PCDH15: variants seen among roughly 807,000 people sequenced by gnomAD.
The protein encoded by PCDH15 is protocadherin related 15, also known as protocadherin-15.
Under a neutral mutation model 178.5 loss-of-function variants are expected in PCDH15, and 129 were observed. The ratio of observed to expected loss-of-function variants is 0.72; its 90% CI spans 0.63 to 0.84. The LOEUF is 0.84. PCDH15 is among the 40% of genes least tolerant of loss of function. The probability of loss-of-function intolerance (pLI) is 0.00; values close to 1 mark genes in which losing one functional copy is unlikely to be tolerated. For synonymous variants in PCDH15, 800 were observed against 732.0 expected (o/e 1.09, Z -1.50); for missense variants, 2,230 against 2,099.9 (o/e 1.06, Z -1.21).
In PCDH15 at chr10:53,820,219, CA is replaced by C. The variant is rs1442685194; in HGVS notation, c.4378del (p.Cys1460ValfsTer8). ...ELGDSSIWSF[C>X]WQLVICMRTC... The stretch of plus-strand genomic sequence containing the variant: ...TCTCATGCATATGACCAGCTGCCAA[CA>C]AAAACTCCAACTGAAGTTTTTCAGT... On this transcript the variant is annotated frameshift_variant, in exon 33 of 38. Transcript: ENST00000644397. LOFTEE classifies it high-confidence loss of function. The C allele has an allele frequency of 5.0e-6, 2 of 397,784 alleles. No individual in the cohort carries two copies. Among genetic ancestry groups the C allele is most frequent in the Non-Finnish European group, 8.9e-6 (2 of 225,470 alleles). The allele number at this position is 397,784 out of a possible 1,614,324, so 24.6% of individuals were successfully genotyped here.
At chr10:54,419,458 A>C (rs551282719) in intron 3 of PCDH15, among the ~76,000 whole-genome samples, 1 of 152,194 alleles carries the variant, frequency 6.6e-6, no homozygotes, top group African/African-American at 2.4e-5. Context: ...AAATGGGATT[A>C]ATTTATTTCA....
chr10:54,427,269 GTTTTTTTTTTTTTT>G (rs71007854), intron 3 of PCDH15, among the ~76,000 whole-genome samples: 2 of 56,760 alleles, frequency 3.5e-5, no homozygotes, highest in Non-Finnish European at 6.7e-5. Flanking sequence ...TCTTTTTCTG[GTTTTTTTTTTTTTT>G]TTTTTTTTTT....
intron 2 of PCDH15, among the ~76,000 whole-genome samples, chr10:54,992,620 T>C (rs1454878326): frequency 6.6e-6 from 1 of 151,950 alleles, no homozygotes; most frequent in Non-Finnish European, 1.5e-5. Context: ...CCGGGCGTGG[T>C]GGCAGGCGCT....
intron 3 of PCDH15, among the ~76,000 whole-genome samples, chr10:54,811,950 CCTGT>C (rs909756035): frequency 3.3e-4 from 50 of 152,152 alleles, no homozygotes; most frequent in African/African-American, 1.2e-3. Flanking sequence ...CATCTTAAAT[CCTGT>C]CTCTCATTTA....
At chr10:54,341,456 C>A (rs537819563) in intron 6 of PCDH15, among the ~76,000 whole-genome samples, 1 of 152,158 alleles carries the variant, frequency 6.6e-6, no homozygotes, top group East Asian at 1.9e-4. Context: ...GTGTCCCTAG[C>A]CATTCAGAAC....
chr10:54,189,450 A>G, intron 11 of PCDH15: 1 of 1,205,206 alleles, frequency 8.3e-7, no homozygotes, highest in Non-Finnish European at 1.1e-6. Flanking sequence ...ACATATGAAG[A>G]AAAAGCAAAC....
intron 2 of PCDH15, among the ~76,000 whole-genome samples, chr10:55,148,451 C>T (rs184189904): frequency 1.1e-4 from 17 of 151,784 alleles, no homozygotes; most frequent in Non-Finnish European, 2.2e-4. Flanking sequence ...TCGTCCATTA[C>T]TCAAGAGAAC....
At chr10:54,248,050 C>A (rs942883071) in intron 8 of PCDH15, among the ~76,000 whole-genome samples, 2 of 150,166 alleles carry the variant, frequency 1.3e-5, no homozygotes, top group Non-Finnish European at 3.0e-5. Flanking sequence ...ATTGTGTAAT[C>A]TGGGTGTTAA....
At chr10:54,728,822 A>G (rs991893962) in intron 1 of PCDH15, among the ~76,000 whole-genome samples, 5 of 151,564 alleles carry the variant, frequency 3.3e-5, no homozygotes, top group East Asian at 1.9e-4. Flanking sequence ...AATTGCATTC[A>G]TAATAGCTGC....
chr10:54,813,785 C>A (rs563785591), intron 3 of PCDH15, among the ~76,000 whole-genome samples: 1 of 152,166 alleles, frequency 6.6e-6, no homozygotes, highest in Admixed American at 6.5e-5. Flanking sequence ...GATTAAGTCA[C>A]ATCTCATTTA....
intron 2 of PCDH15, among the ~76,000 whole-genome samples, chr10:54,981,936 CT>C (rs879372543): frequency 0.015 from 2,146 of 144,986 alleles, 39 homozygotes; most frequent in African/African-American, 0.047. Context: ...TTTTGTTTTC[CT>C]TTTTTTTTTT....
intron 25 of PCDH15, among the ~76,000 whole-genome samples, chr10:53,911,790 A>T (rs186095495): frequency 1.8e-4 from 28 of 152,302 alleles, no homozygotes; most frequent in Middle Eastern, 3.4e-3. Context: ...TCTGAAATTG[A>T]GGCAATAATT....
At chr10:53,828,859 T>G (rs2076860058) in intron 30 of PCDH15, among the ~76,000 whole-genome samples, 1 of 152,202 alleles carries the variant, frequency 6.6e-6, no homozygotes, top group African/African-American at 2.4e-5. Context: ...TGTGAGAATT[T>G]CAACTCTAGT....
intron 2 of PCDH15, among the ~76,000 whole-genome samples, chr10:55,548,464 T>G (rs1334761583): frequency 6.6e-6 from 1 of 152,132 alleles, no homozygotes; most frequent in African/African-American, 2.4e-5. Context: ...AACTTAAGTA[T>G]GACTGAGTCT....
chr10:54,716,631 A>T (rs1026922794), intron 1 of PCDH15, among the ~76,000 whole-genome samples: 1 of 152,042 alleles, frequency 6.6e-6, no homozygotes, highest in African/African-American at 2.4e-5. Context: ...ACTTTGCTGA[A>T]GTTGCTTATC....
intron 2 of PCDH15, among the ~76,000 whole-genome samples, chr10:55,371,744 TC>T (rs1190333534): frequency 6.6e-6 from 1 of 152,144 alleles, no homozygotes; most frequent in Non-Finnish European, 1.5e-5. Flanking sequence ...CAATTAAACC[TC>T]TTTTCTTCAT....
intron 2 of PCDH15, among the ~76,000 whole-genome samples, chr10:54,541,834 C>T (rs1351043500): frequency 3.3e-5 from 5 of 152,100 alleles, no homozygotes; most frequent in Admixed American, 3.3e-4. Flanking sequence ...CTAAGACACT[C>T]AACAAGGTCA....
chr10:54,119,897 T>C (rs1381171890), intron 15 of PCDH15, among the ~76,000 whole-genome samples: 1 of 152,138 alleles, frequency 6.6e-6, no homozygotes, highest in African/African-American at 2.4e-5. Flanking sequence ...ACATTAGGTA[T>C]ATCTCCTAAT....
chr10:55,345,169 ATATG>A (rs957534869), intron 2 of PCDH15, among the ~76,000 whole-genome samples: 1 of 151,748 alleles, frequency 6.6e-6, no homozygotes, highest in Non-Finnish European at 1.5e-5. Flanking sequence ...ATATATATAT[ATATG>A]GTCAGAATTA....
Sources: gnomAD v4.1 joint callset for allele counts (sites outside exome capture counted in the v4.1 genomes callset) on GRCh38, gnomAD v4.1.1 for gene constraint, MANE v1.5 for transcripts, NCBI Gene and HGNC (gene_info 2026-07-23, HGNC 2026-07-21) for gene names.